Variants in CCDC93 observed in about 807,000 individuals in gnomAD.
The protein encoded by CCDC93 is coiled-coil domain-containing protein 93.
In CCDC93, 61 loss-of-function variants were observed where a neutral mutation model predicts 108.2. The ratio of observed to expected loss-of-function variants is 0.56; its 90% CI spans 0.46 to 0.70. CCDC93 has a LOEUF of 0.70. Among genes scored for constraint, CCDC93 ranks in the 30% least tolerant of loss-of-function variants. The pLI is 0.00. For synonymous variants in CCDC93, 276 were observed against 260.4 expected (o/e 1.06, Z -0.58); for missense variants, 685 against 764.2 (o/e 0.90, Z 1.22).
chr2:117,928,858 G>C (rs1449089051), intron 23 of CCDC93, among the ~76,000 whole-genome samples: 3 of 152,128 alleles, frequency 2.0e-5, no homozygotes, highest in East Asian at 1.9e-4. Flanking sequence ...TTGGAACCAA[G>C]CCAAATGTCC....
At chr2:118,004,724 G>C (rs1326456498) in intron 3 of CCDC93, among the ~76,000 whole-genome samples, 3 of 152,154 alleles carry the variant, frequency 2.0e-5, no homozygotes, top group Non-Finnish European at 2.9e-5. Flanking sequence ...GACTCTGGTG[G>C]GTCCTTAGTC....
Position 117,955,863 on chromosome 2 carries a change from A to C in CCDC93, c.1005+2502T>G, listed in dbSNP as rs942226336. On this transcript the variant is annotated intron_variant, in intron 12 of 23. Transcript: ENST00000376300. ...ACTCTCCCCAGGTGAAGGGGCATAC[A>C]TTTTTGCAAAGGCCTAAAAACAGGT... Among the ~76,000 whole-genome samples the C allele has an allele frequency of 7.2e-5, 11 of 152,288 alleles. No individual in the cohort carries two copies. In the South Asian group the frequency reaches 2.1e-3, roughly 29 times the overall value.
chr2:117,945,654 T>C, intron 16 of CCDC93, 72 bp from the exon 17 acceptor site: 1 of 1,350,174 alleles, frequency 7.4e-7, no homozygotes, highest in Non-Finnish European at 1.1e-6. Context: ...AGGATCTAGA[T>C]GTAGGAAGGG....
At chr2:117,950,280 C>T (rs1408976566) in intron 13 of CCDC93, 6 of 985,064 alleles carry the variant, frequency 6.1e-6, no homozygotes, top group Non-Finnish European at 7.2e-6. Flanking sequence ...ATCAATTCAA[C>T]AAGTCAATTC....
At chr2:117,954,270 G>A (rs917896445) in intron 12 of CCDC93, among the ~76,000 whole-genome samples, 2 of 152,152 alleles carry the variant, frequency 1.3e-5, no homozygotes, top group Admixed American at 6.5e-5. Flanking sequence ...TAAAATATGA[G>A]AAGAGATGGG....
rs74604212 is a variant in CCDC93 at position 117,963,654 on chromosome 2, G to C, written c.889-5173C>G. On this transcript the variant is annotated intron_variant, in intron 11 of 23. Coordinates refer to ENST00000376300, the MANE Select transcript of CCDC93 (RefSeq NM_019044.5). The stretch of plus-strand genomic sequence containing the variant: ...TTTGGGTCCCACTGTGAGTAATGCG[G>C]TGTGCCTGCTCAGAATGCACTTAAC... Among the ~76,000 whole-genome samples, 100 of 152,282 alleles carry C rather than the reference G, an allele frequency of 6.6e-4. 1 individual carries two copies. In the East Asian group the frequency reaches 0.017, roughly 26 times the overall value.
chr2:117,930,971 T>G (rs1402197638), intron 23 of CCDC93, 66 bp downstream of exon 23: 17 of 1,044,066 alleles, frequency 1.6e-5, no homozygotes, highest in Non-Finnish European at 2.4e-5. Flanking sequence ...TGTTTTTTAG[T>G]GGCTACTTTT....
chr2:118,010,678 A>C (rs567826852), intron 1 of CCDC93, among the ~76,000 whole-genome samples: 1 of 152,292 alleles, frequency 6.6e-6, no homozygotes, highest in East Asian at 1.9e-4. Flanking sequence ...AGCCCTTATC[A>C]ACAATGCACC....
At chr2:117,996,144 G>A (rs1680638506) in intron 5 of CCDC93, 120 bp downstream of exon 5, 1 of 584,644 alleles carries the variant, frequency 1.7e-6, no homozygotes, top group African/African-American at 1.9e-5. Flanking sequence ...AAGCACTAAT[G>A]ATGCCAAGTG....
chr2:117,973,187 C>G (rs1038315432), intron 11 of CCDC93, among the ~76,000 whole-genome samples: 2 of 152,120 alleles, frequency 1.3e-5, no homozygotes, highest in African/African-American at 4.8e-5. Context: ...CAGGGCAGAG[C>G]TAATTTGTAG....
At chr2:117,928,701 G>T (rs1269416299) in intron 23 of CCDC93, among the ~76,000 whole-genome samples, 3 of 152,280 alleles carry the variant, frequency 2.0e-5, no homozygotes, top group South Asian at 2.1e-4. Context: ...AGTCAGTGTG[G>T]CGATTCCTCA....
chr2:117,946,876 T>C lies in CCDC93; in HGVS notation c.1231A>G (p.Met411Val), dbSNP rs530152837. The part of the protein sequence containing the change: ...QEFKAHCREE[M>V]TRLQQEIENL... The stretch of plus-strand genomic sequence containing the variant: ...TCAATTTCTTGCTGTAGTCGTGTCA[T>C]CTCCTCCTTTAAAAGTGACATGAAC... Residue 411 changes from methionine to valine, a missense_variant, in exon 16 of 24, where the codon ATG becomes GTG. Met to Val is a conservative substitution (Grantham distance 21). Transcript: ENST00000376300. The C allele has an allele frequency of 2.5e-6, 4 of 1,611,244 alleles. No homozygotes were observed. The highest frequency in any genetic ancestry group is 1.1e-5 in the South Asian group (1 of 91,024).
chr2:117,961,949 A>G (rs748308959), intron 11 of CCDC93, among the ~76,000 whole-genome samples: 1 of 152,236 alleles, frequency 6.6e-6, no homozygotes, highest in Non-Finnish European at 1.5e-5. Flanking sequence ...ACATTTTCAG[A>G]TTAAGAACGT....
intron 19 of CCDC93, among the ~76,000 whole-genome samples, chr2:117,940,184 AC>A (rs1678652582): frequency 6.6e-6 from 1 of 152,150 alleles, no homozygotes; most frequent in East Asian, 1.9e-4. Context: ...TAAGAGGAAT[AC>A]GGAGTAGGAG....
At chr2:117,998,212 C>T (rs954436900) in intron 4 of CCDC93, 2 of 152,142 alleles carry the variant, frequency 1.3e-5, no homozygotes, top group Non-Finnish European at 2.9e-5. Flanking sequence ...GTTACTACAG[C>T]TTTGCTAAAA....
intron 13 of CCDC93, chr2:117,951,195 C>A: frequency 1.0e-6 from 1 of 985,424 alleles, no homozygotes; most frequent in Non-Finnish European, 1.2e-6. Context: ...TGGCAAACTT[C>A]ATGCCAGGGG....
rs187189163 is a variant in CCDC93 at position 117,996,462 on chromosome 2, T to C, written c.364-100A>G. ...CCCAACTCATGAACTCAAATCAGCA[T>C]AGTTGAACTGACTAGGTGATAAGAA... On this transcript the variant is annotated intron_variant, in intron 4 of 23. Coordinates refer to ENST00000376300, the MANE Select transcript of CCDC93 (RefSeq NM_019044.5). The C allele has an allele frequency of 9.2e-4, 706 of 766,850 alleles. 5 individuals are homozygous for C. The African/African-American group carries it at 0.011, about 12-fold the overall frequency. 47.5% of individuals were successfully genotyped at this position (766,850 alleles called of 1,614,324 possible).
intron 3 of CCDC93, 42 bp from the exon 4 acceptor site, chr2:118,000,974 G>A (rs376872986): frequency 8.3e-7 from 1 of 1,209,896 alleles, no homozygotes. Flanking sequence ...GGCATACTAA[G>A]TAGCCTTTAT....
intron 11 of CCDC93, among the ~76,000 whole-genome samples, chr2:117,969,555 C>A (rs1008642888): frequency 6.6e-6 from 1 of 152,192 alleles, no homozygotes; most frequent in Non-Finnish European, 1.5e-5. Context: ...AGAAAAGCAG[C>A]CCCTGACGTC....
Sources: allele counts gnomAD v4.1 joint callset (sites outside exome capture counted in the v4.1 genomes callset), GRCh38; gene constraint gnomAD v4.1.1; transcripts MANE v1.5; gene names NCBI Gene and HGNC (gene_info 2026-07-23, HGNC 2026-07-21).